The following SCAF8 variants were observed in gnomAD, a reference collection of about 807,000 sequenced individuals.
The protein encoded by SCAF8 is SR-related and CTD-associated factor 8.
Under a neutral mutation model 140.5 loss-of-function variants are expected in SCAF8, and 23 were observed. The ratio of observed to expected loss-of-function variants is 0.16; its 90% CI spans 0.12 to 0.23. SCAF8 has a LOEUF of 0.23. SCAF8 is among the 10% of genes least tolerant of loss of function. SCAF8 has a pLI of 1.00. For synonymous variants in SCAF8, 575 were observed against 528.9 expected (o/e 1.09, Z -1.20); for missense variants, 1,397 against 1,555.7 (o/e 0.90, Z 1.72).
rs59257286 is a variant in SCAF8 at position 154,793,815 on chromosome 6, CAAA to C, written c.475+861_475+863del. 4.0e-3 allele frequency among the ~76,000 whole-genome samples: 277 copies of C among 69,300 alleles called. 2 individuals are homozygous for C. The highest frequency in any genetic ancestry group is 0.015 in the African/African-American group (265 of 17,668). The allele number at this position is 69,300 out of a possible 152,430, so 45.5% of individuals were successfully genotyped here. A position where few individuals can be genotyped will look rare whatever the true frequency, so the allele number is the denominator to read the frequency against. ...GGGCAACAAGAGCAAAACTCTGTCTCAAAAAAAAAAAAAAAAAAAAAAAATTTT... is the reference window on the plus strand; with the variant it reads ...GGGCAACAAGAGCAAAACTCTGTCTCAAAAAAAAAAAAAAAAAAAAATTTT... On this transcript the variant is annotated intron_variant, in intron 5 of 19. Transcript: ENST00000367178.
At chr6:154,756,669 T>G (rs1250856166) in intron 1 of SCAF8, among the ~76,000 whole-genome samples, 3 of 152,240 alleles carry the variant, frequency 2.0e-5, no homozygotes, top group African/African-American at 7.2e-5. Flanking sequence ...CAAGGATGAT[T>G]ATTTTATACT....
intron 14 of SCAF8, among the ~76,000 whole-genome samples, chr6:154,819,871 C>G (rs73582822): frequency 6.6e-6 from 1 of 152,046 alleles, no homozygotes; most frequent in Non-Finnish European, 1.5e-5. Context: ...TGCCTGCAGT[C>G]CCAGCTGCTG....
chr6:154,787,738 G>A, intron 3 of SCAF8, 123 bp from the exon 4 acceptor site: 1 of 724,256 alleles, frequency 1.4e-6, no homozygotes, highest in Non-Finnish European at 2.2e-6. Context: ...GTCAATGTAT[G>A]AATATTCATT....
At chr6:154,805,170 T>G (rs1186181060) in intron 8 of SCAF8, among the ~76,000 whole-genome samples, 199 bp from the exon 9 acceptor site, 1 of 148,302 alleles carries the variant, frequency 6.7e-6, no homozygotes, top group Admixed American at 6.7e-5. Flanking sequence ...CATCTATTGA[T>G]GTACAATTGA....
chr6:154,829,137 AAAGTTTAATAAATAAT>A (rs1562467523), intron 18 of SCAF8, among the ~76,000 whole-genome samples: 1 of 152,200 alleles, frequency 6.6e-6, no homozygotes, highest in African/African-American at 2.4e-5. Flanking sequence ...CCTGAACATA[AAAGTTTAATAAATAAT>A]GTATAATCAA....
intron 6 of SCAF8, 37 bp downstream of exon 6, chr6:154,795,176 A>C: frequency 1.9e-6 from 3 of 1,558,276 alleles, no homozygotes; most frequent in Non-Finnish European, 2.6e-6. Context: ...AATAATTTAG[A>C]ATTTAATATT....
In SCAF8 at chr6:154,795,099, C is replaced by G. The variant is rs749076389; in HGVS notation, c.566C>G (p.Ala189Gly). The G allele has an allele frequency of 1.1e-5, 18 of 1,613,164 alleles. No individual in the cohort carries two copies. The highest frequency in any genetic ancestry group is 6.7e-5 in the Admixed American group (4 of 59,860). ...VSQITNTDTL[A>G]AVAQILQSPQ... ...CAGATAACAAATACAGATACACTTG[C>G]GGCTGTAGCTCAGATCTTGCAAAGT... The change falls in exon 6 of 20, where the codon GCG becomes GGG. Residue 189 changes from alanine (A) to glycine (G), a missense_variant. Ala to Gly is a moderately conservative substitution (Grantham distance 60, BLOSUM62 0). Around this residue, in one of 5 missense-constraint regions of SCAF8, gnomAD observed 339 missense variants for 407.5 expected, o/e 0.83. Transcript: ENST00000367178.
At chr6:154,820,073 A>AT in intron 14 of SCAF8, 104 bp from the exon 15 acceptor site, 1 of 886,382 alleles carries the variant, frequency 1.1e-6, no homozygotes, top group Non-Finnish European at 1.6e-6. Flanking sequence ...TCTAAAACCA[A>AT]TTTTAATGTG....
At chr6:154,751,706 C>T (rs900154596) in intron 1 of SCAF8, among the ~76,000 whole-genome samples, 2 of 152,064 alleles carry the variant, frequency 1.3e-5, no homozygotes, top group Non-Finnish European at 2.9e-5. Context: ...ATTATTTTTA[C>T]TATGGATTTA....
chr6:154,733,440 GC>G lies in SCAF8; in HGVS notation c.-459del. The G allele has an allele frequency of 7.2e-7, 1 of 1,396,374 alleles. No homozygotes were observed. 86.5% of individuals were successfully genotyped at this position (1,396,374 alleles called of 1,614,324 possible). On this transcript the variant is annotated 5_prime_UTR_variant, in exon 1 of 20. The change creates a premature stop within an existing upstream ORF in the 5' untranslated region. Coordinates refer to ENST00000367178, the MANE Select transcript of SCAF8 (RefSeq NM_014892.5). ...CATATTGGATGCCGCAGCCGCTGCT[GC>G]CAGCGCTTCCTCCTCTGTCTTCGCC... is the stretch of plus-strand genomic sequence containing the variant.
chr6:154,734,012 C>T (rs532494176), intron 1 of SCAF8, 82 bp downstream of exon 1: 4 of 1,426,112 alleles, frequency 2.8e-6, no homozygotes, highest in Admixed American at 6.1e-5. Context: ...AGGGTGGGCG[C>T]GGGCCTGCGG....
chr6:154,818,599 T>A lies in SCAF8; in HGVS notation c.1635+7T>A, dbSNP rs1778322711. The A allele has an allele frequency of 6.8e-7, 1 of 1,472,000 alleles. No homozygotes were observed. Among genetic ancestry groups the A allele is most frequent in the African/African-American group, 1.4e-5 (1 of 71,314 alleles). 91.2% of individuals were successfully genotyped at this position (1,472,000 alleles called of 1,614,324 possible). ...TGGGTCCAAGGTCATTAAGGTGAGATTTGGTGGATTGGAACTTGGGGTAGG... is the reference window on the plus strand; with the variant it reads ...TGGGTCCAAGGTCATTAAGGTGAGAATTGGTGGATTGGAACTTGGGGTAGG... On this transcript the variant is annotated splice_region_variant and intron_variant, in intron 14 of 19. Transcript: ENST00000367178.
At chr6:154,735,638 C>T (rs1778396322) in intron 1 of SCAF8, among the ~76,000 whole-genome samples, 1 of 151,256 alleles carries the variant, frequency 6.6e-6, no homozygotes, top group Non-Finnish European at 1.5e-5. Flanking sequence ...CTCAGTGTCC[C>T]GAGTAGCTGG....
chr6:154,788,403 T>C (rs923104662), intron 4 of SCAF8, among the ~76,000 whole-genome samples: 2 of 152,204 alleles, frequency 1.3e-5, no homozygotes, highest in Non-Finnish European at 2.9e-5. Context: ...TCAGAACATA[T>C]CCTTGTCGTT....
chr6:154,826,982 T>C (rs1013014503), intron 17 of SCAF8, among the ~76,000 whole-genome samples, 190 bp from the exon 18 acceptor site: 2 of 152,192 alleles, frequency 1.3e-5, no homozygotes, highest in African/African-American at 4.8e-5. Flanking sequence ...CTCTTTGCTT[T>C]ACCTAGCTTA....
chr6:154,733,429 C>T lies in SCAF8; in HGVS notation c.-472C>T. ...CTCGAGTCCGCCATATTGGATGCCG[C>T]AGCCGCTGCTGCCAGCGCTTCCTCC... On this transcript the variant is annotated 5_prime_UTR_variant, in exon 1 of 20. An upstream open reading frame in the 5' UTR gains an earlier in-frame stop. Coordinates refer to ENST00000367178, the MANE Select transcript of SCAF8 (RefSeq NM_014892.5). 1 of 1,402,696 alleles carries T rather than the reference C, an allele frequency of 7.1e-7. No individual in the cohort carries two copies. Among genetic ancestry groups the T allele is most frequent in the African/African-American group, 1.5e-5 (1 of 66,646 alleles). 86.9% of individuals were successfully genotyped at this position (1,402,696 alleles called of 1,614,324 possible).
chr6:154,809,632 T>A (rs1778028479), intron 11 of SCAF8, among the ~76,000 whole-genome samples: 1 of 152,216 alleles, frequency 6.6e-6, no homozygotes, highest in Admixed American at 6.5e-5. Flanking sequence ...AGTTGGAAAC[T>A]ACTAAGCAGA....
intron 5 of SCAF8, among the ~76,000 whole-genome samples, chr6:154,793,747 G>A (rs1158525815): frequency 4.0e-5 from 6 of 149,620 alleles, no homozygotes; most frequent in African/African-American, 9.9e-5. Flanking sequence ...CCCAGGAGGC[G>A]GAGGTTGCAG....
chr6:154,829,864 G>A (rs1238463031), intron 18 of SCAF8, among the ~76,000 whole-genome samples: 2 of 152,140 alleles, frequency 1.3e-5, no homozygotes, highest in Non-Finnish European at 2.9e-5. Flanking sequence ...CCGAGATCAC[G>A]CTACTGCACT....
Sources: allele counts gnomAD v4.1 joint callset (sites outside exome capture counted in the v4.1 genomes callset), GRCh38; gene constraint gnomAD v4.1.1; regional missense constraint gnomAD v4.1.1; transcripts MANE v1.5; gene names NCBI Gene and HGNC (gene_info 2026-07-23, HGNC 2026-07-21).